Variants in KCNH1 observed in about 807,000 individuals in gnomAD.
The protein encoded by KCNH1 is potassium voltage-gated channel subfamily H member 1.
A neutral mutation model predicts 69.2 loss-of-function variants in KCNH1; 27 were observed. The ratio of observed to expected loss-of-function variants is 0.39; its 90% CI spans 0.29 to 0.54. The LOEUF (loss-of-function observed/expected upper bound fraction) is 0.54. Among genes scored for constraint, KCNH1 ranks in the 20% least tolerant of loss-of-function variants. The pLI, the probability that KCNH1 is intolerant of heterozygous loss-of-function variation, is 0.68. For synonymous variants in KCNH1, 456 were observed against 487.7 expected, an observed-to-expected ratio of 0.93 and a Z score of 0.86; for missense variants, 798 against 1,261.6, an observed-to-expected ratio of 0.63 and a Z score of 5.57.
chr1:210,835,743 TTAG>T (rs1685267034), intron 7 of KCNH1, among the ~76,000 whole-genome samples: 1 of 152,054 alleles, frequency 6.6e-6, no homozygotes, highest in Non-Finnish European at 1.5e-5. Context: ...CCTAATTTAT[TTAG>T]AGGTAGGGAT....
chr1:211,098,514 C>T (rs1270060002), intron 3 of KCNH1, among the ~76,000 whole-genome samples: 1 of 152,066 alleles, frequency 6.6e-6, no homozygotes, highest in Non-Finnish European at 1.5e-5. Context: ...TACCATGAAG[C>T]CTTCTGCTAA....
intron 5 of KCNH1, among the ~76,000 whole-genome samples, chr1:211,027,341 C>T (rs1487944232): frequency 6.6e-6 from 1 of 152,102 alleles, no homozygotes; most frequent in Non-Finnish European, 1.5e-5. Flanking sequence ...CTCAGTGGCT[C>T]ATGTCTCTAA....
At chr1:211,066,153 G>A (rs2102453540) in intron 5 of KCNH1, among the ~76,000 whole-genome samples, 1 of 152,190 alleles carries the variant, frequency 6.6e-6, no homozygotes, top group Admixed American at 6.5e-5. Flanking sequence ...GAAACGATGG[G>A]TATTTCATGT....
intron 10 of KCNH1, among the ~76,000 whole-genome samples, chr1:210,713,077 A>G (rs1297926833): frequency 6.6e-6 from 1 of 152,162 alleles, no homozygotes; most frequent in African/African-American, 2.4e-5. Flanking sequence ...TGTGTTTGTC[A>G]ATTTATTTTA....
chr1:210,810,307 A>AT (rs1048813064), intron 7 of KCNH1, among the ~76,000 whole-genome samples: 1 of 151,966 alleles, frequency 6.6e-6, no homozygotes, highest in East Asian at 1.9e-4. Context: ...TATAACCTGT[A>AT]TTTTTTCTCT....
chr1:210,918,076 C>A (rs1687384484), intron 7 of KCNH1, among the ~76,000 whole-genome samples: 1 of 152,170 alleles, frequency 6.6e-6, no homozygotes, highest in Non-Finnish European at 1.5e-5. Context: ...CAGGAAAACT[C>A]TGCCTGCAGA....
intron 5 of KCNH1, among the ~76,000 whole-genome samples, chr1:211,082,222 G>A (rs1690871075): frequency 6.6e-6 from 1 of 152,072 alleles, no homozygotes; most frequent in South Asian, 2.1e-4. Flanking sequence ...TGAAGAAAAG[G>A]CAACATAATC....
At chr1:210,895,933 A>G (rs1377138461) in intron 7 of KCNH1, among the ~76,000 whole-genome samples, 1 of 152,196 alleles carries the variant, frequency 6.6e-6, no homozygotes, top group Non-Finnish European at 1.5e-5. Flanking sequence ...TCAGATAAGC[A>G]ATCCTACGGT....
intron 7 of KCNH1, among the ~76,000 whole-genome samples, chr1:210,834,356 T>TA (rs562899662): frequency 0.82 from 111,023 of 134,642 alleles, 45,995 homozygotes; most frequent in African/African-American, 0.85. Flanking sequence ...TATGCAGCCA[T>TA]AAAAAGGATG....
chr1:211,054,154 T>C (rs1198624084), intron 5 of KCNH1, among the ~76,000 whole-genome samples: 1 of 151,510 alleles, frequency 6.6e-6, no homozygotes, highest in East Asian at 1.9e-4. Context: ...TGGTGGTGCA[T>C]ACCTGTAATC....
intron 10 of KCNH1, among the ~76,000 whole-genome samples, chr1:210,720,266 G>T (rs74156049): frequency 1.3e-5 from 2 of 152,128 alleles, no homozygotes; most frequent in African/African-American, 4.8e-5. Context: ...TAGAAAGTGA[G>T]GTATGGGAAC....
chr1:211,107,716 A>G (rs889790010), intron 1 of KCNH1, among the ~76,000 whole-genome samples: 2 of 152,212 alleles, frequency 1.3e-5, no homozygotes, highest in Non-Finnish European at 2.9e-5. Context: ...AGGTATACCA[A>G]TATTACAGAG....
At chr1:210,847,227 T>C (rs565558569) in intron 7 of KCNH1, among the ~76,000 whole-genome samples, 1 of 152,330 alleles carries the variant, frequency 6.6e-6, no homozygotes, top group South Asian at 2.1e-4. Context: ...ATCCCATTAC[T>C]GGGCATATAC....
At chr1:211,110,114 A>G (rs903345846) in intron 1 of KCNH1, among the ~76,000 whole-genome samples, 1 of 152,148 alleles carries the variant, frequency 6.6e-6, no homozygotes, top group African/African-American at 2.4e-5. Context: ...AGAAAAGGCC[A>G]GAGGACATTC....
chr1:211,132,168 T>C (rs1558617802), intron 1 of KCNH1, among the ~76,000 whole-genome samples: 1 of 152,208 alleles, frequency 6.6e-6, no homozygotes, highest in Non-Finnish European at 1.5e-5. Context: ...TACTGAAAAA[T>C]AGAATTGTCA....
intron 7 of KCNH1, among the ~76,000 whole-genome samples, chr1:210,870,435 A>T (rs959765839): frequency 1.3e-5 from 2 of 152,166 alleles, no homozygotes; most frequent in African/African-American, 4.8e-5. Context: ...TGAAAAAAGC[A>T]CATGGTACTC....
At chr1:211,066,108 G>T (rs1236515056) in intron 5 of KCNH1, among the ~76,000 whole-genome samples, 5 of 151,888 alleles carry the variant, frequency 3.3e-5, no homozygotes, top group African/African-American at 1.2e-4. Flanking sequence ...TGCTTATAAC[G>T]AAACACATAA....
rs148235101 is a variant in KCNH1 at position 210,881,291 on chromosome 1, C to A, written c.1462+38349G>T. ...GTGCTGGGATTACAGGTGTGAGCCA[C>A]CATGCCCAGCCAAAACAATAAGAAG... On this transcript the variant is annotated intron_variant, in intron 7 of 10. Transcript: ENST00000271751. Among the ~76,000 whole-genome samples the A allele has an allele frequency of 2.9e-3, 440 of 152,240 alleles. 3 individuals are homozygous for A. The highest frequency in any genetic ancestry group is 9.4e-3 in the African/African-American group (389 of 41,536).
chr1:210,867,478 C>G (rs1295547461), intron 7 of KCNH1, among the ~76,000 whole-genome samples: 1 of 151,384 alleles, frequency 6.6e-6, no homozygotes, highest in Admixed American at 6.6e-5. Context: ...GCTGTGTGAC[C>G]AAAGGTACTG....
Sources: gnomAD v4.1 joint callset for allele counts (sites outside exome capture counted in the v4.1 genomes callset) on GRCh38, gnomAD v4.1.1 for gene constraint, MANE v1.5 for transcripts, NCBI Gene and HGNC (gene_info 2026-07-23, HGNC 2026-07-21) for gene names.